Variants in SLC2A4RG observed in about 807,000 individuals in gnomAD.
SLC2A4RG encodes the protein GLUT4 enhancer factor.
Under a neutral mutation model 35.5 loss-of-function variants are expected in SLC2A4RG, and 23 were observed. The ratio of observed to expected loss-of-function variants is 0.65; its 90% CI spans 0.47 to 0.92. The LOEUF is 0.92. SLC2A4RG is among the 40% of genes least tolerant of loss of function. SLC2A4RG has a pLI of 0.00. For synonymous variants in SLC2A4RG, 306 were observed against 243.7 expected, an observed-to-expected ratio of 1.26 and a Z score of -2.38; for missense variants, 539 against 525.0, an observed-to-expected ratio of 1.03 and a Z score of -0.26.
rs2092035655 is a variant in SLC2A4RG, at chr20:63,740,366, C to A, written c.127-11C>A. The A allele has an allele frequency of 1.6e-6, 2 of 1,226,334 alleles. No individual in the cohort carries two copies. The highest frequency in any genetic ancestry group is 8.2e-5 in the South Asian group (2 of 24,338). 76.0% of individuals were successfully genotyped at this position (1,226,334 alleles called of 1,614,324 possible). A position where few individuals can be genotyped will look rare whatever the true frequency, so the allele number is the denominator to read the frequency against. On this transcript the variant is annotated splice_polypyrimidine_tract_variant and intron_variant, in intron 1 of 7. Coordinates refer to ENST00000266077, the MANE Select transcript of SLC2A4RG (RefSeq NM_020062.4). ...CCGCCTCCGCTGAGTCTGCCCCCTC[C>A]CCATCCGCAGGGCTCTTCCGTGGGC...
In SLC2A4RG at chr20:63,740,419, C is replaced by T. The variant is rs1009220108; in HGVS notation, c.169C>T (p.Arg57Trp). 8.1e-7 allele frequency: 1 copy of T among 1,229,866 alleles called. No individual in the cohort carries two copies. Among genetic ancestry groups the T allele is most frequent in the Non-Finnish European group, 1.0e-6 (1 of 985,826 alleles). The allele number at this position is 1,229,866 out of a possible 1,614,324, so 76.2% of individuals were successfully genotyped here. ...CGGCTTCGCGGGCTTGGAGTTCGCG[C>T]GGCCGCAGGAGTCGGAGCCGCGGGC... ...GGGFAGLEFA[R>W]PQESEPRASD... The change falls in exon 2 of 8, where the codon CGG (arginine) becomes TGG (tryptophan). Residue 57 changes from arginine to tryptophan, a missense_variant. Transcript: ENST00000266077.
rs2092051855 is a variant in SLC2A4RG at position 63,742,918 on chromosome 20, T to C, written c.1092T>C (p.Tyr364=). ...RGDAKKCRKV[Y]GMERRDLWCT... is the part of the protein sequence containing the mutation. ...ACGCGAAGAAGTGCCGGAAGGTGTA[T>C]GGCATGGAGCGCCGGGACCTCTGGT... The change falls in exon 8 of 8, where the codon TAT becomes TAC. Residue 364 remains tyrosine (Y), a synonymous_variant. Coordinates refer to ENST00000266077, the MANE Select transcript of SLC2A4RG (RefSeq NM_020062.4). 1.2e-6 allele frequency: 2 copies of C among 1,612,350 alleles called. No individual in the cohort carries two copies. The highest frequency in any genetic ancestry group is 1.7e-6 in the Non-Finnish European group (2 of 1,179,682).
intron 1 of SLC2A4RG, 53 bp from the exon 2 acceptor site, chr20:63,740,324 C>G: frequency 1.8e-6 from 2 of 1,123,300 alleles, no homozygotes; most frequent in Non-Finnish European, 2.2e-6. Flanking sequence ...GGTTGAGGGA[C>G]CCCCCTCCCC....
Position 63,740,471 on chromosome 20 carries a change from G to A in SLC2A4RG, c.221G>A (p.Trp74Ter). The A allele has an allele frequency of 8.1e-7, 1 of 1,229,960 alleles. No individual in the cohort carries two copies. Among genetic ancestry groups the A allele is most frequent in the Non-Finnish European group, 1.0e-6 (1 of 986,136 alleles). 76.2% of individuals were successfully genotyped at this position (1,229,960 alleles called of 1,614,324 possible). ...TCGGACCTGGGGGCCCCCCGGACGT[G>A]GACGGGGGCGGCGGCGGGGCCCCGG... ...RASDLGAPRT[W>*]TGAAAGPRTP... is the part of the protein sequence containing the mutation. Residue 74 changes from tryptophan (W) to a stop codon, truncating the protein, a stop_gained, in exon 2 of 8, where the codon TGG becomes TAG. Coordinates refer to ENST00000266077, the MANE Select transcript of SLC2A4RG (RefSeq NM_020062.4). LOFTEE classifies it high-confidence loss of function.
In SLC2A4RG at chr20:63,742,891, C is replaced by T. The variant is rs757962585; in HGVS notation, c.1065C>T (p.Gly355=). 1.9e-5 allele frequency: 30 copies of T among 1,611,444 alleles called. No individual in the cohort carries two copies. Among genetic ancestry groups the T allele is most frequent in the South Asian group, 1.3e-4 (12 of 90,944 alleles). Residue 355 remains glycine, a synonymous_variant, in exon 8 of 8, where the codon GGC becomes GGT. Coordinates refer to ENST00000266077, the MANE Select transcript of SLC2A4RG (RefSeq NM_020062.4). ...ACCCCCCGCACAGGAAGCCCCGCGGCGACGCGAAGAAGTGCCGGAAGGTGT... is the reference window on the plus strand; with the variant it reads ...ACCCCCCGCACAGGAAGCCCCGCGGTGACGCGAAGAAGTGCCGGAAGGTGT... ...RIGVTLRKPR[G]DAKKCRKVYG...
rs6011072 is a variant in SLC2A4RG at position 63,742,296 on chromosome 20, C to A, written c.681-40C>A. Reference sequence around the variant, plus strand: ...CTGGGGTTGTGAGGCCCGGCCAGGCCACCCCTTCAGCTCCCACTGGCTGGC... The same window carrying A: ...CTGGGGTTGTGAGGCCCGGCCAGGCAACCCCTTCAGCTCCCACTGGCTGGC... On this transcript the variant is annotated intron_variant, in intron 5 of 7. Coordinates refer to ENST00000266077, the MANE Select transcript of SLC2A4RG (RefSeq NM_020062.4). 8.0e-5 allele frequency: 128 copies of A among 1,604,686 alleles called. 1 individual carries two copies. In the African/African-American group the frequency reaches 1.5e-3, roughly 19 times the overall value.
rs199721279 is a variant in SLC2A4RG at position 63,742,485 on chromosome 20, A to G, written c.830A>G (p.Glu277Gly). Residue 277 changes from glutamate (E) to glycine (G), a missense_variant, in exon 6 of 8, where the codon GAG becomes GGG. Transcript: ENST00000266077. ...ASMPPAFPRLELPELLEPPAL... is the reference protein window; with the variant it reads ...ASMPPAFPRLGLPELLEPPAL... ...ATGCCGCCTGCCTTCCCCCGCCTGGAGCTGCCAGAGCTGCTGGAGCCCCCA... is the reference window on the plus strand; with the variant it reads ...ATGCCGCCTGCCTTCCCCCGCCTGGGGCTGCCAGAGCTGCTGGAGCCCCCA... The G allele has an allele frequency of 2.4e-3, 3,771 of 1,576,554 alleles. 7 individuals are homozygous for G. The highest frequency in any genetic ancestry group is 2.9e-3 in the Non-Finnish European group (3,350 of 1,161,868).
At chr20:63,742,832 AG>A in intron 7 of SLC2A4RG, 42 bp downstream of exon 7, 2 of 1,584,298 alleles carry the variant, frequency 1.3e-6, no homozygotes, top group Non-Finnish European at 1.7e-6. Context: ...CCAGGTGGGG[AG>A]GGTCCTGGTC....
chr20:63,741,810 G>A, intron 3 of SLC2A4RG, 59 bp from the exon 4 acceptor site: 1 of 1,500,500 alleles, frequency 6.7e-7, no homozygotes, highest in Non-Finnish European at 8.9e-7. Context: ...GGCAGCTCAG[G>A]ATTAGGGACT....
intron 2 of SLC2A4RG, chr20:63,741,150 A>T (rs1161268049): frequency 3.5e-6 from 2 of 573,060 alleles, no homozygotes; most frequent in East Asian, 5.9e-5. Context: ...CGCGATGTGG[A>T]GAACTCAGGC....
chr20:63,739,815 G>C lies in SLC2A4RG; in HGVS notation c.-98G>C. ...GCGGCGCGGGCGGCGGCCGGATCCA[G>C]GGCGGGGGTCGGCGGCCCGGCCAGC... is the stretch of plus-strand genomic sequence containing the variant. On this transcript the variant is annotated 5_prime_UTR_variant, in exon 1 of 8. Coordinates refer to ENST00000266077, the MANE Select transcript of SLC2A4RG (RefSeq NM_020062.4). 1 of 975,524 alleles carries C rather than the reference G, an allele frequency of 1.0e-6. No individual in the cohort carries two copies. Among genetic ancestry groups the C allele is most frequent in the Non-Finnish European group, 1.2e-6 (1 of 825,258 alleles). The allele number at this position is 975,524 out of a possible 1,614,324, so 60.4% of individuals were successfully genotyped here. A position where few individuals can be genotyped will look rare whatever the true frequency, so the allele number is the denominator to read the frequency against.
At position 63,742,524 on chromosome 20, in the gene SLC2A4RG, C is replaced by T. The variant is rs943388506; in HGVS notation, c.869C>T (p.Pro290Leu). Residue 290 changes from proline to leucine, a missense_variant, in exon 6 of 8, where the codon CCC becomes CTC. Physicochemically the swap from Pro to Leu is moderately conservative, Grantham distance 98. Transcript: ENST00000266077. ...CTGGAGCCCCCAGCCCTGCCTAGTC[C>T]CCTGCGGCCGCCTGCCCCGCCCCTG... ...ELLEPPALPS[P>L]LRPPAPPLPP... 7.7e-6 allele frequency: 12 copies of T among 1,562,446 alleles called. No individual in the cohort carries two copies. Among genetic ancestry groups the T allele is most frequent in the Non-Finnish European group, 9.5e-6 (11 of 1,153,890 alleles).
At chr20:63,742,297 A>G (rs755586560) in intron 5 of SLC2A4RG, 39 bp from the exon 6 acceptor site, 2 of 1,605,026 alleles carry the variant, frequency 1.2e-6, no homozygotes, top group Admixed American at 1.7e-5. Flanking sequence ...CGGCCAGGCC[A>G]CCCCTTCAGC....
At chr20:63,740,170 C>A in intron 1 of SLC2A4RG, 132 bp downstream of exon 1, 1 of 417,794 alleles carries the variant, frequency 2.4e-6, no homozygotes, top group Non-Finnish European at 3.2e-6. Context: ...CGCGCGTGTC[C>A]GTGGGTCCCG....
rs2092033349 is a variant in SLC2A4RG, at chr20:63,739,978, G to C, written c.66G>C (p.Trp22Cys). The C allele has an allele frequency of 1.0e-6, 1 of 980,528 alleles. No individual in the cohort carries two copies. The highest frequency in any genetic ancestry group is 1.8e-5 in the African/African-American group (1 of 56,670). The allele number at this position is 980,528 out of a possible 1,614,324, so 60.7% of individuals were successfully genotyped here. The change falls in exon 1 of 8, where the codon TGG becomes TGC. Residue 22 changes from tryptophan (W) to cysteine (C), a missense_variant. By Grantham distance (215) the Trp-to-Cys change is radical (BLOSUM62 -2). Transcript: ENST00000266077. ...DPSALRAEAP[W>C]LRAEGPGPRA... Reference sequence around the variant, plus strand: ...GTGCGCTGCGGGCCGAGGCGCCGTGGCTGCGCGCGGAGGGTCCGGGGCCGC... The same window carrying C: ...GTGCGCTGCGGGCCGAGGCGCCGTGCCTGCGCGCGGAGGGTCCGGGGCCGC...
chr20:63,742,347 A>AG lies in SLC2A4RG; in HGVS notation c.693dup (p.Pro232AlafsTer2). 2 of 1,609,030 alleles carry AG rather than the reference A, an allele frequency of 1.2e-6. No individual in the cohort carries two copies. Among genetic ancestry groups the AG allele is most frequent in the Non-Finnish European group, 1.7e-6 (2 of 1,177,600 alleles). On this transcript the variant is annotated frameshift_variant, in exon 6 of 8. Coordinates refer to ENST00000266077, the MANE Select transcript of SLC2A4RG (RefSeq NM_020062.4). LOFTEE classifies it high-confidence loss of function. The stretch of plus-strand genomic sequence containing the variant: ...TGTGTCTCCCGCAGGAGGCAGGCAG[A>AG]GCCTGAGCAGAGTGATGGTGAGGAG...
intron 6 of SLC2A4RG, 36 bp from the exon 7 acceptor site, chr20:63,742,663 G>T: frequency 6.3e-7 from 1 of 1,592,802 alleles, no homozygotes; most frequent in South Asian, 1.1e-5. Flanking sequence ...AGGGCTCTCT[G>T]GAGGGGAGTG....
rs373776083 is a variant in SLC2A4RG at position 63,742,661 on chromosome 20, C to G, written c.961-38C>G. 1.1e-4 allele frequency: 174 copies of G among 1,592,104 alleles called. 1 individual carries two copies. In the Middle Eastern group the frequency reaches 3.0e-3, roughly 28 times the overall value. ...CAGCTGGGGCGGGTCTCAGGGCTCTCTGGAGGGGAGTGAAGCCCTGGCTGT... is the reference window on the plus strand; with the variant it reads ...CAGCTGGGGCGGGTCTCAGGGCTCTGTGGAGGGGAGTGAAGCCCTGGCTGT... On this transcript the variant is annotated intron_variant, in intron 6 of 7. Transcript: ENST00000266077.
chr20:63,743,404 C>T lies in SLC2A4RG; in HGVS notation c.*414C>T, dbSNP rs572379480. The stretch of plus-strand genomic sequence containing the variant: ...GCACTTAACTCAACGGCTCTCGGGC[C>T]CTGGGGCTGTTTTTACCATGTTTGT... On this transcript the variant is annotated 3_prime_UTR_variant, in exon 8 of 8. Transcript: ENST00000266077. The T allele has an allele frequency of 5.5e-5, 9 of 164,416 alleles. No homozygotes were observed. Among genetic ancestry groups the T allele is most frequent in the Non-Finnish European group, 1.2e-4 (9 of 75,076 alleles). 10.2% of individuals were successfully genotyped at this position (164,416 alleles called of 1,614,324 possible).
Sources: gnomAD v4.1 joint callset for allele counts on GRCh38, gnomAD v4.1.1 for gene constraint, MANE v1.5 for transcripts, NCBI Gene and HGNC (gene_info 2026-07-23, HGNC 2026-07-21) for gene names.